Variants in PRKG1 observed in about 807,000 individuals in gnomAD.
PRKG1 encodes protein kinase cGMP-dependent 1.
PRKG1 carries 35 observed loss-of-function variants against 88.1 expected under a neutral mutation model. The observed-to-expected ratio is 0.40, with a 90% confidence interval of 0.30 to 0.53. PRKG1 has a LOEUF of 0.53. Among genes scored for constraint, PRKG1 ranks in the 20% least tolerant of loss-of-function variants. The probability of loss-of-function intolerance (pLI) is 0.59; values close to 1 mark genes in which losing one functional copy is unlikely to be tolerated. For missense variants in PRKG1, 540 were observed against 839.8 expected, an observed-to-expected ratio of 0.64 and a Z score of 4.41; for synonymous variants, 303 against 292.5, an observed-to-expected ratio of 1.04 and a Z score of -0.37.
chr10:51,530,175 G>T (rs1841983732), intron 3 of PRKG1, among the ~76,000 whole-genome samples: 1 of 152,120 alleles, frequency 6.6e-6, no homozygotes, highest in Non-Finnish European at 1.5e-5. Flanking sequence ...ATATTTTCAA[G>T]TAGTTTATCA....
At chr10:51,670,746 AAAT>A (rs1564599498) in intron 3 of PRKG1, among the ~76,000 whole-genome samples, 996 of 95,836 alleles carry the variant, frequency 0.01, 5 homozygotes, top group Middle Eastern at 0.015. Context: ...AAAAAAAAAT[AAAT>A]AAATAAATAA....
intron 2 of PRKG1, among the ~76,000 whole-genome samples, chr10:51,442,422 A>G (rs1489394916): frequency 1.3e-5 from 2 of 151,988 alleles, no homozygotes; most frequent in Non-Finnish European, 2.9e-5. Context: ...TAGTGACTCT[A>G]TCCTACCTCC....
chr10:51,846,610 C>A (rs1197471591), intron 4 of PRKG1, among the ~76,000 whole-genome samples: 3 of 152,140 alleles, frequency 2.0e-5, no homozygotes, highest in African/African-American at 7.2e-5. Flanking sequence ...GATCTTCTTT[C>A]TGTATTCATT....
chr10:51,087,170 C>T (rs890853359), intron 1 of PRKG1, among the ~76,000 whole-genome samples: 11 of 152,104 alleles, frequency 7.2e-5, no homozygotes, highest in Non-Finnish European at 4.4e-5. Flanking sequence ...AAATTAGGCT[C>T]ACTTTTTTTT....
intron 9 of PRKG1, among the ~76,000 whole-genome samples, chr10:52,174,480 G>A (rs1838799991): frequency 6.6e-6 from 1 of 151,864 alleles, no homozygotes; most frequent in Admixed American, 6.6e-5. Context: ...GAATAGAGGG[G>A]AGCAGGGAGA....
At chr10:51,888,973 A>G (rs938874883) in intron 4 of PRKG1, among the ~76,000 whole-genome samples, 9 of 152,076 alleles carry the variant, frequency 5.9e-5, no homozygotes, top group Non-Finnish European at 1.2e-4. Context: ...AAATAAATAA[A>G]ATTTACTTTC....
intron 3 of PRKG1, among the ~76,000 whole-genome samples, chr10:51,558,897 T>C (rs1212537243): frequency 1.3e-5 from 2 of 152,108 alleles, no homozygotes; most frequent in African/African-American, 4.8e-5. Flanking sequence ...AGTCCTCTCT[T>C]ATCCAAGGTT....
At chr10:51,846,128 A>T (rs1840392183) in intron 4 of PRKG1, among the ~76,000 whole-genome samples, 1 of 152,152 alleles carries the variant, frequency 6.6e-6, no homozygotes, top group Admixed American at 6.6e-5. Flanking sequence ...ATGTCTAGGA[A>T]TAAATTCTGC....
At chr10:51,984,026 G>A (rs1457583150) in intron 5 of PRKG1, among the ~76,000 whole-genome samples, 2 of 152,190 alleles carry the variant, frequency 1.3e-5, no homozygotes, top group Non-Finnish European at 2.9e-5. Flanking sequence ...GAAAGATGAG[G>A]AACTCACAGT....
At chr10:52,030,592 G>T (rs1845450571) in intron 5 of PRKG1, among the ~76,000 whole-genome samples, 1 of 152,172 alleles carries the variant, frequency 6.6e-6, no homozygotes. Context: ...GTCGAAGGAA[G>T]TTAGAGCTAA....
At chr10:51,647,417 G>A (rs986288974) in intron 3 of PRKG1, among the ~76,000 whole-genome samples, 1 of 152,178 alleles carries the variant, frequency 6.6e-6, no homozygotes, top group African/African-American at 2.4e-5. Context: ...CCAGTATACT[G>A]TTCATTGTTA....
At chr10:51,513,124 A>C (rs1291374399) in intron 3 of PRKG1, among the ~76,000 whole-genome samples, 2 of 151,884 alleles carry the variant, frequency 1.3e-5, no homozygotes, top group Non-Finnish European at 2.9e-5. Flanking sequence ...AGACACACAT[A>C]GGCTCAAAAT....
chr10:51,523,913 T>C (rs1841803424), intron 3 of PRKG1, among the ~76,000 whole-genome samples: 1 of 152,210 alleles, frequency 6.6e-6, no homozygotes, highest in Admixed American at 6.5e-5. Context: ...CCAAATTTCG[T>C]AACCAAGTAT....
At chr10:52,052,446 T>G (rs865813948) in intron 5 of PRKG1, among the ~76,000 whole-genome samples, 1 of 135,462 alleles carries the variant, frequency 7.4e-6, no homozygotes, top group African/African-American at 2.6e-5. Flanking sequence ...TAATAATAAT[T>G]AAATTAACTA....
intron 7 of PRKG1, among the ~76,000 whole-genome samples, chr10:52,063,460 C>G (rs11000655): frequency 0.32 from 48,174 of 152,182 alleles, 8,200 homozygotes; most frequent in Non-Finnish European, 0.39. Context: ...TCTGGGCCCC[C>G]CAAAGGGCTG....
chr10:52,208,099 T>C (rs1034086481), intron 9 of PRKG1, among the ~76,000 whole-genome samples: 2 of 152,176 alleles, frequency 1.3e-5, no homozygotes, highest in African/African-American at 4.8e-5. Flanking sequence ...GAGTCAAGAT[T>C]TGAAGCAATC....
At chr10:52,211,506 A>T (rs1839970484) in intron 9 of PRKG1, among the ~76,000 whole-genome samples, 2 of 152,128 alleles carry the variant, frequency 1.3e-5, no homozygotes, top group African/African-American at 4.8e-5. Flanking sequence ...TTTAAGAATT[A>T]TGCATGCGTT....
intron 3 of PRKG1, among the ~76,000 whole-genome samples, chr10:51,473,598 A>C (rs1026627258): frequency 6.6e-6 from 1 of 151,932 alleles, no homozygotes; most frequent in Non-Finnish European, 1.5e-5. Flanking sequence ...TGAAGGCTTG[A>C]TAAATTATTC....
At chr10:51,168,663 T>A (rs1250669023) in intron 2 of PRKG1, among the ~76,000 whole-genome samples, 1 of 152,166 alleles carries the variant, frequency 6.6e-6, no homozygotes, top group Non-Finnish European at 1.5e-5. Context: ...TTTCAGAAAG[T>A]AGAATGTGAT....
Sources: gnomAD v4.1 joint callset for allele counts (sites outside exome capture counted in the v4.1 genomes callset) on GRCh38, gnomAD v4.1.1 for gene constraint, MANE v1.5 for transcripts, NCBI Gene and HGNC (gene_info 2026-07-23, HGNC 2026-07-21) for gene names.